The following SLC25A21 variants were observed in gnomAD, a reference collection of about 807,000 sequenced individuals.
SLC25A21 encodes mitochondrial 2-oxodicarboxylate carrier.
A neutral mutation model predicts 43.8 loss-of-function variants in SLC25A21; 47 were observed. The ratio of observed to expected loss-of-function variants is 1.07; its 90% CI spans 0.85 to 1.37. The LOEUF (loss-of-function observed/expected upper bound fraction) is 1.37, where lower values mean the gene tolerates loss of function less well. Ranked by LOEUF, SLC25A21 falls within the 40% of genes most tolerant of loss-of-function variation. The probability of loss-of-function intolerance (pLI) is 0.00; values close to 1 mark genes in which losing one functional copy is unlikely to be tolerated. For missense variants in SLC25A21, 352 were observed against 350.2 expected (o/e 1.00, Z -0.04); for synonymous variants, 131 against 121.3 (o/e 1.08, Z -0.52).
At chr14:36,766,351 C>G (rs1886415077) in intron 3 of SLC25A21, among the ~76,000 whole-genome samples, 1 of 152,174 alleles carries the variant, frequency 6.6e-6, no homozygotes, top group Non-Finnish European at 1.5e-5. Context: ...AAATGTATTT[C>G]TTACTGTGGG....
At chr14:37,111,975 T>G (rs113607562) in intron 1 of SLC25A21, among the ~76,000 whole-genome samples, 6 of 152,328 alleles carry the variant, frequency 3.9e-5, no homozygotes, top group African/African-American at 1.4e-4. Flanking sequence ...TAAATTGTTT[T>G]GCACCAATAA....
chr14:36,986,769 GTTTC>G (rs1313974468), intron 1 of SLC25A21, among the ~76,000 whole-genome samples: 1 of 151,982 alleles, frequency 6.6e-6, no homozygotes, highest in Non-Finnish European at 1.5e-5. Flanking sequence ...GGTGTTCTTT[GTTTC>G]TTTATTTCTT....
intron 6 of SLC25A21, among the ~76,000 whole-genome samples, chr14:36,717,631 C>A (rs569810980): frequency 6.6e-6 from 1 of 152,206 alleles, no homozygotes; most frequent in Non-Finnish European, 1.5e-5. Context: ...ACATGGGTTA[C>A]GACTCAGGAA....
rs35932404 is a variant in SLC25A21 at position 36,749,022 on chromosome 14, C to T, written c.204-14449G>A. Among the ~76,000 whole-genome samples, 1,331 of 152,320 alleles carry T rather than the reference C, an allele frequency of 8.7e-3. 10 individuals carry two copies. The highest frequency in any genetic ancestry group is 0.014 in the Non-Finnish European group (932 of 68,032). ...AAACAGACTGCAGCCTACTCTTCTG[C>T]CAATCACCGAATTTTGGCCAATCCA... On this transcript the variant is annotated intron_variant, in intron 3 of 9. Coordinates refer to ENST00000331299, the MANE Select transcript of SLC25A21 (RefSeq NM_030631.4).
intron 1 of SLC25A21, among the ~76,000 whole-genome samples, chr14:36,964,668 A>T (rs1288423415): frequency 6.6e-6 from 1 of 152,196 alleles, no homozygotes; most frequent in Non-Finnish European, 1.5e-5. Context: ...CAAACAATAC[A>T]TTTAGGTATT....
intron 3 of SLC25A21, among the ~76,000 whole-genome samples, chr14:36,810,005 G>A (rs941533438): frequency 3.9e-5 from 6 of 152,032 alleles, no homozygotes; most frequent in African/African-American, 9.7e-5. Flanking sequence ...CTTCTCTTTC[G>A]TTTCTTTTTT....
At chr14:36,970,438 C>T (rs971090067) in intron 1 of SLC25A21, among the ~76,000 whole-genome samples, 3 of 152,052 alleles carry the variant, frequency 2.0e-5, no homozygotes, top group Non-Finnish European at 2.9e-5. Context: ...AGGCCAACTT[C>T]AAAGTAAAGG....
intron 1 of SLC25A21, among the ~76,000 whole-genome samples, chr14:37,006,482 A>G (rs973814311): frequency 5.9e-5 from 9 of 152,094 alleles, no homozygotes; most frequent in Non-Finnish European, 5.9e-5. Flanking sequence ...GTCCCTCTGA[A>G]AAGATTTGCC....
intron 1 of SLC25A21, among the ~76,000 whole-genome samples, chr14:36,966,950 A>G (rs1373959251): frequency 6.6e-6 from 1 of 152,156 alleles, no homozygotes; most frequent in Non-Finnish European, 1.5e-5. Context: ...TTTCTCTATA[A>G]AGAAATATAG....
intron 3 of SLC25A21, among the ~76,000 whole-genome samples, chr14:36,763,404 CCT>C (rs1250705649): frequency 6.6e-6 from 1 of 152,158 alleles, no homozygotes; most frequent in African/African-American, 2.4e-5. Flanking sequence ...TTTTCCCTGT[CCT>C]TGTGGGGTTT....
chr14:36,686,988 GT>G (rs1264740332), intron 7 of SLC25A21, among the ~76,000 whole-genome samples: 1 of 152,196 alleles, frequency 6.6e-6, no homozygotes. Context: ...GTCTCACTCT[GT>G]TGCCCAGGCT....
intron 2 of SLC25A21, among the ~76,000 whole-genome samples, chr14:36,870,254 C>G (rs1890331213): frequency 6.6e-6 from 1 of 152,166 alleles, no homozygotes; most frequent in South Asian, 2.1e-4. Flanking sequence ...CCTAGGGCTG[C>G]ATCACAAATT....
At chr14:37,070,874 CT>C (rs1289546153) in intron 1 of SLC25A21, among the ~76,000 whole-genome samples, 1 of 152,174 alleles carries the variant, frequency 6.6e-6, no homozygotes, top group African/African-American at 2.4e-5. Flanking sequence ...CGCTCTGCCC[CT>C]GTCAGGTTCA....
At position 36,788,435 on chromosome 14, in the gene SLC25A21, C is replaced by T. The variant is rs147952531; in HGVS notation, c.203+25483G>A. Among the ~76,000 whole-genome samples the T allele has an allele frequency of 2.8e-4, 42 of 150,788 alleles. No individual in the cohort carries two copies. The East Asian group carries it at 5.5e-3, about 20-fold the overall frequency. ...GCCAACAATTCTCAACAAAGAGTGG[C>T]GATCATGAAAGGCTGAGCCACCGAG... On this transcript the variant is annotated intron_variant, in intron 3 of 9. Coordinates refer to ENST00000331299, the MANE Select transcript of SLC25A21 (RefSeq NM_030631.4).
intron 3 of SLC25A21, among the ~76,000 whole-genome samples, chr14:36,797,020 G>C (rs1245064277): frequency 6.6e-6 from 1 of 152,162 alleles, no homozygotes; most frequent in Non-Finnish European, 1.5e-5. Flanking sequence ...GGTTAAGGTG[G>C]AGGAGTGTGG....
chr14:36,831,985 C>T (rs879420655), intron 2 of SLC25A21, among the ~76,000 whole-genome samples: 6 of 152,160 alleles, frequency 3.9e-5, no homozygotes, highest in Non-Finnish European at 8.8e-5. Context: ...AAGATCAATA[C>T]ATAGATATGC....
chr14:37,080,125 T>C (rs7146275), intron 1 of SLC25A21, among the ~76,000 whole-genome samples: 74,121 of 152,022 alleles, frequency 0.49, 21,088 homozygotes, highest in African/African-American at 0.8. Flanking sequence ...ACCCAGTTTA[T>C]GGTATTTTGT....
In SLC25A21 at chr14:36,776,230, C is replaced by CTTTTTTTTTTTTTTTTTTTTTTT. The variant is rs1328087696; in HGVS notation, c.203+37687_203+37688insAAAAAAAAAAAAAAAAAAAAAAA. 5.9e-4 allele frequency among the ~76,000 whole-genome samples: 42 copies of CTTTTTTTTTTTTTTTTTTTTTTT among 70,808 alleles called. 7 individuals carry two copies. The highest frequency in any genetic ancestry group is 1.7e-3 in the African/African-American group (24 of 14,208). The allele number at this position is 70,808 out of a possible 152,430, so 46.5% of individuals were successfully genotyped here. On this transcript the variant is annotated intron_variant, in intron 3 of 9. Transcript: ENST00000331299. ...ACTGCTTTCTTTTTTCTTTTTCTTT[C>CTTTTTTTTTTTTTTTTTTTTTTT]TTTCTTTCTTTTTTTTTTTTTTTTG...
chr14:36,832,936 T>G (rs1009259982), intron 2 of SLC25A21, among the ~76,000 whole-genome samples: 7 of 152,196 alleles, frequency 4.6e-5, no homozygotes, highest in Non-Finnish European at 7.3e-5. Flanking sequence ...TAAATTCTCA[T>G]TGTTTATCAG....
Sources: allele counts gnomAD v4.1 joint callset (sites outside exome capture counted in the v4.1 genomes callset), GRCh38; gene constraint gnomAD v4.1.1; transcripts MANE v1.5; gene names NCBI Gene and HGNC (gene_info 2026-07-23, HGNC 2026-07-21).